The following SNX9 variants were observed in gnomAD, a reference collection of about 807,000 sequenced individuals.
The protein encoded by SNX9 is sorting nexin 9.
In SNX9, 44 loss-of-function variants were observed where a neutral mutation model predicts 89.4. The observed-to-expected ratio is 0.49, with a 90% CI of 0.39 to 0.63. SNX9 has a LOEUF of 0.63. Ranked by LOEUF, SNX9 falls within the 30% of genes least tolerant of loss-of-function variation. The pLI, the probability that SNX9 is intolerant of heterozygous loss-of-function variation, is 0.00. For missense variants in SNX9, 578 were observed against 736.1 expected (o/e 0.79, Z 2.49); for synonymous variants, 236 against 247.8 (o/e 0.95, Z 0.45).
chr6:157,914,217 G>A (rs549482675), intron 9 of SNX9, among the ~76,000 whole-genome samples: 1 of 152,220 alleles, frequency 6.6e-6, no homozygotes, highest in East Asian at 1.9e-4. Context: ...TCTCAGCATG[G>A]TTTTGATTTG....
intron 1 of SNX9, among the ~76,000 whole-genome samples, chr6:157,862,684 G>A (rs533358317): frequency 6.6e-6 from 1 of 151,986 alleles, no homozygotes; most frequent in African/African-American, 2.4e-5. Context: ...AGGGTTTTGT[G>A]AATTTTTTTT....
At chr6:157,937,006 A>G (rs536241098) in intron 14 of SNX9, among the ~76,000 whole-genome samples, 243 of 152,386 alleles carry the variant, frequency 1.6e-3, no homozygotes, top group African/African-American at 4.9e-3. Flanking sequence ...TAACATAGCT[A>G]TTAAAGTTAT....
intron 1 of SNX9, among the ~76,000 whole-genome samples, chr6:157,839,987 GA>G (rs1220820597): frequency 8.5e-5 from 13 of 152,144 alleles, no homozygotes; most frequent in Admixed American, 7.9e-4. Flanking sequence ...CTAGGGTTCT[GA>G]AAGCAGGTGA....
At chr6:157,869,872 C>T (rs1053241124) in intron 2 of SNX9, among the ~76,000 whole-genome samples, 18 of 152,160 alleles carry the variant, frequency 1.2e-4, no homozygotes, top group African/African-American at 3.4e-4. Flanking sequence ...CGCACACACC[C>T]TTATGCGTGC....
chr6:157,857,470 T>G (rs1344313934), intron 1 of SNX9, among the ~76,000 whole-genome samples: 5 of 152,170 alleles, frequency 3.3e-5, no homozygotes, highest in African/African-American at 1.2e-4. Context: ...AAAAAAAAAT[T>G]AATCTTTGAC....
intron 2 of SNX9, among the ~76,000 whole-genome samples, chr6:157,870,314 A>G (rs1782371203): frequency 6.8e-6 from 1 of 146,096 alleles, no homozygotes; most frequent in African/African-American, 2.6e-5. Context: ...ACGCACACAC[A>G]CCTACTCTCT....
At chr6:157,837,068 G>A (rs1781598757) in intron 1 of SNX9, among the ~76,000 whole-genome samples, 1 of 152,200 alleles carries the variant, frequency 6.6e-6, no homozygotes, top group African/African-American at 2.4e-5. Flanking sequence ...AGCATGCCGT[G>A]TGCAGTGAAC....
chr6:157,874,101 G>A (rs1782471884), intron 3 of SNX9: 1 of 152,276 alleles, frequency 6.6e-6, no homozygotes, highest in African/African-American at 2.4e-5. Flanking sequence ...TCCCCCCAGA[G>A]GATGTTTACC....
intron 4 of SNX9, among the ~76,000 whole-genome samples, chr6:157,895,204 G>A (rs1782954011): frequency 6.6e-6 from 1 of 152,228 alleles, no homozygotes. Flanking sequence ...GACACAGTTT[G>A]TGCACAGCCT....
intron 10 of SNX9, among the ~76,000 whole-genome samples, chr6:157,926,488 A>G (rs1783694017): frequency 6.6e-6 from 1 of 152,160 alleles, no homozygotes; most frequent in South Asian, 2.1e-4. Flanking sequence ...CTAGGTCAGA[A>G]TGCATAGGGT....
chr6:157,829,771 A>G (rs1043265242), intron 1 of SNX9, among the ~76,000 whole-genome samples: 1 of 152,064 alleles, frequency 6.6e-6, no homozygotes, highest in Non-Finnish European at 1.5e-5. Context: ...CTTTTGGTAA[A>G]TATTTCCCAG....
intron 2 of SNX9, 30 bp from the exon 3 acceptor site, chr6:157,873,068 TTTTC>T: frequency 6.5e-7 from 1 of 1,531,712 alleles, no homozygotes; most frequent in African/African-American, 1.4e-5. Context: ...ACTGTAATCT[TTTTC>T]TTTTTTTTTT....
chr6:157,910,906 G>A (rs1044542543), intron 9 of SNX9, among the ~76,000 whole-genome samples: 9 of 152,128 alleles, frequency 5.9e-5, no homozygotes, highest in African/African-American at 1.9e-4. Flanking sequence ...CGGATCACGA[G>A]GTCAGGAGAT....
intron 1 of SNX9, among the ~76,000 whole-genome samples, chr6:157,854,300 G>A (rs1781968245): frequency 6.6e-6 from 1 of 152,248 alleles, no homozygotes; most frequent in Non-Finnish European, 1.5e-5. Flanking sequence ...CTTAGCCACA[G>A]CAAAGTAAGT....
Position 157,826,849 on chromosome 6 carries a change from T to TATATATAAATATTATAGTTTATATA in SNX9, c.12+3415_12+3416insTATAGTTTATATAATATATAAATAT, listed in dbSNP as rs1781362248. 6.8e-5 allele frequency among the ~76,000 whole-genome samples: 3 copies of TATATATAAATATTATAGTTTATATA among 44,270 alleles called. 1 individual carries two copies. The highest frequency in any genetic ancestry group is 1.2e-4 in the Non-Finnish European group (3 of 25,518). The allele number at this position is 44,270 out of a possible 152,430, so 29.0% of individuals were successfully genotyped here. A position where few individuals can be genotyped will look rare whatever the true frequency, so the allele number is the denominator to read the frequency against. On this transcript the variant is annotated intron_variant, in intron 1 of 17. Coordinates refer to ENST00000392185, the MANE Select transcript of SNX9 (RefSeq NM_016224.5). ...TATATTTTATATATATATTATATTT[T>TATATATAAATATTATAGTTTATATA]ATATATAAATATATATTATAGTTTA...
intron 12 of SNX9, 63 bp downstream of exon 12, chr6:157,928,765 CCTTATCAT>C: frequency 7.7e-7 from 1 of 1,293,998 alleles, no homozygotes; most frequent in African/African-American, 1.5e-5. Context: ...GTTTTATGTC[CCTTATCAT>C]AGAGGGGAAC....
intron 17 of SNX9, 87 bp downstream of exon 17, chr6:157,941,061 G>A: frequency 8.3e-7 from 1 of 1,201,756 alleles, no homozygotes; most frequent in Non-Finnish European, 1.2e-6. Context: ...TAATCTGTTT[G>A]TATTCTTTAA....
chr6:157,843,890 T>TTTC, intron 1 of SNX9, among the ~76,000 whole-genome samples: 1 of 150,172 alleles, frequency 6.7e-6, no homozygotes, highest in African/African-American at 2.5e-5. Flanking sequence ...TTTTTTTTTT[T>TTTC]TTGAGATGGA....
At chr6:157,898,771 G>C (rs762605536) in intron 5 of SNX9, among the ~76,000 whole-genome samples, 3 of 152,254 alleles carry the variant, frequency 2.0e-5, no homozygotes, top group Non-Finnish European at 2.9e-5. Context: ...GCCAAGAATT[G>C]AATGTCTGTT....
Sources: gnomAD v4.1 joint callset for allele counts (sites outside exome capture counted in the v4.1 genomes callset) on GRCh38, gnomAD v4.1.1 for gene constraint, MANE v1.5 for transcripts, NCBI Gene and HGNC (gene_info 2026-07-23, HGNC 2026-07-21) for gene names.